Variants in ADCY5 observed in about 807,000 individuals in gnomAD.
The protein encoded by ADCY5 is adenylate cyclase 5.
In ADCY5, 30 loss-of-function variants were observed where a neutral mutation model predicts 119.7. The ratio of observed to expected loss-of-function variants is 0.25; its 90% CI spans 0.19 to 0.34. The LOEUF is 0.34. Among genes scored for constraint, ADCY5 ranks in the 10% least tolerant of loss-of-function variants. The pLI is 1.00. For missense variants in ADCY5, 1,324 were observed against 1,775.2 expected (o/e 0.75, Z 4.57); for synonymous variants, 753 against 762.2 (o/e 0.99, Z 0.20).
At chr3:123,414,073 T>C (rs958412456) in intron 1 of ADCY5, among the ~76,000 whole-genome samples, 1 of 152,172 alleles carries the variant, frequency 6.6e-6, no homozygotes, top group Non-Finnish European at 1.5e-5. Flanking sequence ...CTGGACACTA[T>C]GTCATGGGCT....
Position 123,283,527 on chromosome 3 carries a change from T to C in ADCY5, c.*1081A>G, listed in dbSNP as rs1938512201. The C allele has an allele frequency of 6.6e-6, 1 of 152,154 alleles. No homozygotes were observed. The highest frequency in any genetic ancestry group is 2.4e-5 in the African/African-American group (1 of 41,408). The allele number at this position is 152,154 out of a possible 1,614,324, so 9.4% of individuals were successfully genotyped here. ...AAAGATGGGGCAGTGTGTCCATGCA[T>C]CCTCCTACTTAATCTGAGCATATGG... On this transcript the variant is annotated 3_prime_UTR_variant, in exon 21 of 21. Transcript: ENST00000462833.
intron 1 of ADCY5, among the ~76,000 whole-genome samples, chr3:123,359,915 G>A (rs1024486003): frequency 6.6e-6 from 1 of 152,178 alleles, no homozygotes; most frequent in Non-Finnish European, 1.5e-5. Flanking sequence ...CACAGTGGTG[G>A]TGGGAAGCTC....
At chr3:123,297,451 A>T in intron 15 of ADCY5, 69 bp from the exon 16 acceptor site, 1 of 1,527,372 alleles carries the variant, frequency 6.5e-7, no homozygotes, top group South Asian at 1.1e-5. Context: ...ACTCCTGCTC[A>T]GCCCCCACGC....
In ADCY5 at chr3:123,352,335, C is replaced by T. The variant is rs910866870; in HGVS notation, c.1284+97G>A. 9 of 1,417,486 alleles carry T rather than the reference C, an allele frequency of 6.3e-6. No homozygotes were observed. The highest frequency in any genetic ancestry group is 5.7e-5 in the African/African-American group (4 of 70,184). 87.8% of individuals were successfully genotyped at this position (1,417,486 alleles called of 1,614,324 possible). On this transcript the variant is annotated intron_variant, in intron 2 of 20. Transcript: ENST00000462833. This position sits in a 1 kb window ranked among gnomAD's most constrained non-coding sequence, Gnocchi z 4.8. The stretch of plus-strand genomic sequence containing the variant: ...CCTCCCGGGGAGTGGGGCTGGCAGC[C>T]GTAATAAGCACTGCCCGCCCTAGGC...
At chr3:123,289,638 G>T (rs1939012455) in intron 19 of ADCY5, 112 bp downstream of exon 19, 7 of 1,295,128 alleles carry the variant, frequency 5.4e-6, no homozygotes, top group Non-Finnish European at 6.6e-6. Context: ...CTGCCGCCTG[G>T]CCTTCTACCT....
rs976675751 is a variant in ADCY5, at chr3:123,346,719, G to A, written c.1406+1063C>T. Among the ~76,000 whole-genome samples the A allele has an allele frequency of 4.6e-5, 7 of 151,880 alleles. No homozygotes were observed. The East Asian group carries it at 1.4e-3, about 29-fold the overall frequency. On this transcript the variant is annotated intron_variant, in intron 3 of 20. Transcript: ENST00000462833. ...CTTAATCACTTTCTTGAAAACGCAG[G>A]CCAAGCCTCCAAAGAGTCCTCTTTA...
intron 1 of ADCY5, among the ~76,000 whole-genome samples, chr3:123,369,558 T>C (rs1017791467): frequency 5.9e-5 from 9 of 152,218 alleles, no homozygotes; most frequent in Admixed American, 5.9e-4. Flanking sequence ...GCCTGAAGTA[T>C]TGGAGAGTCC....
At chr3:123,320,712 C>T (rs368367630) in intron 9 of ADCY5, 37 bp downstream of exon 9, 338 of 1,611,258 alleles carry the variant, frequency 2.1e-4, no homozygotes, top group South Asian at 9.3e-4. Context: ...ATCCCCCAGA[C>T]CCAGGGAGCA....
At chr3:123,391,460 C>T (rs1020934919) in intron 1 of ADCY5, among the ~76,000 whole-genome samples, 2 of 152,040 alleles carry the variant, frequency 1.3e-5, no homozygotes, top group African/African-American at 4.8e-5. Context: ...TGACTTCCCA[C>T]CCAGAAGGAG....
At chr3:123,396,907 T>C (rs991149834) in intron 1 of ADCY5, among the ~76,000 whole-genome samples, 3 of 151,652 alleles carry the variant, frequency 2.0e-5, no homozygotes, top group African/African-American at 7.3e-5. Context: ...CACAGGGGCA[T>C]GCACGCCTGC....
chr3:123,421,477 TATCTCATC>T (rs1375779223), intron 1 of ADCY5, among the ~76,000 whole-genome samples: 10 of 152,142 alleles, frequency 6.6e-5, no homozygotes, highest in Admixed American at 6.5e-4. Flanking sequence ...GCACAGACAT[TATCTCATC>T]ATGACACCTA....
At chr3:123,373,772 GA>G (rs11286842) in intron 1 of ADCY5, among the ~76,000 whole-genome samples, 16,933 of 47,668 alleles carry the variant, frequency 0.36, 3,112 homozygotes, top group East Asian at 0.67. Context: ...CCCCCCCCCC[GA>G]CCCCCCCGCA....
At chr3:123,413,617 C>T (rs769261593) in intron 1 of ADCY5, among the ~76,000 whole-genome samples, 1 of 152,210 alleles carries the variant, frequency 6.6e-6, no homozygotes. Context: ...AACCGATTAA[C>T]AGCCTTTGGA....
chr3:123,355,385 C>G (rs533421463), intron 1 of ADCY5, among the ~76,000 whole-genome samples: 1 of 152,144 alleles, frequency 6.6e-6, no homozygotes, highest in South Asian at 2.1e-4. Context: ...GTAGGTTCAA[C>G]CAACCTTGGA....
At chr3:123,417,580 C>G (rs1016651870) in intron 1 of ADCY5, among the ~76,000 whole-genome samples, 25 of 152,220 alleles carry the variant, frequency 1.6e-4, no homozygotes, top group African/African-American at 5.8e-4. Context: ...ATGTGTCACT[C>G]CTGGCATTGA....
At chr3:123,446,860 T>C (rs1403133644) in intron 1 of ADCY5, among the ~76,000 whole-genome samples, 1 of 152,140 alleles carries the variant, frequency 6.6e-6, no homozygotes, top group Non-Finnish European at 1.5e-5. Flanking sequence ...AACAAACTTG[T>C]CAGTCCTTCT....
intron 16 of ADCY5, chr3:123,296,972 G>A: frequency 1.3e-6 from 2 of 1,535,544 alleles, no homozygotes; most frequent in East Asian, 2.4e-5. Flanking sequence ...AAGCACTGCA[G>A]CCCTCGCCTT....
intron 1 of ADCY5, among the ~76,000 whole-genome samples, chr3:123,428,781 C>T (rs1382841886): frequency 6.6e-6 from 1 of 152,190 alleles, no homozygotes; most frequent in East Asian, 1.9e-4. Context: ...ATACAGATTC[C>T]TGGGCTCTAC....
At chr3:123,326,951 T>G (rs1941521720) in intron 7 of ADCY5, among the ~76,000 whole-genome samples, 1 of 152,246 alleles carries the variant, frequency 6.6e-6, no homozygotes, top group Non-Finnish European at 1.5e-5. Context: ...AGCTTTTCTC[T>G]ATCAAAGGGC....
Sources: gnomAD v4.1 joint callset for allele counts (sites outside exome capture counted in the v4.1 genomes callset) on GRCh38, gnomAD v4.1.1 for gene constraint, Gnocchi (gnomAD v3.1) non-coding constraint, MANE v1.5 for transcripts, NCBI Gene and HGNC (gene_info 2026-07-23, HGNC 2026-07-21) for gene names.